The following ANKRD55 variants were observed in gnomAD, a reference collection of about 807,000 sequenced individuals.
ANKRD55 encodes the protein ankyrin repeat domain-containing protein 55.
In ANKRD55, 41 loss-of-function variants were observed where a neutral mutation model predicts 60.6. The observed-to-expected ratio is 0.68, with a 90% confidence interval of 0.53 to 0.88. The LOEUF (loss-of-function observed/expected upper bound fraction) is 0.88, where lower values mean the gene tolerates loss of function less well. Ranked by LOEUF, ANKRD55 falls within the 40% of genes least tolerant of loss-of-function variation. The pLI is 0.00. For synonymous variants in ANKRD55, 264 were observed against 290.3 expected (o/e 0.91, Z 0.92); for missense variants, 732 against 767.6 (o/e 0.95, Z 0.55).
chr5:56,205,645 AATCT>A (rs1759486162), intron 2 of ANKRD55, among the ~76,000 whole-genome samples: 1 of 152,050 alleles, frequency 6.6e-6, no homozygotes, highest in Non-Finnish European at 1.5e-5. Flanking sequence ...CCAAACAGTG[AATCT>A]TGGGCTGGGG....
intron 2 of ANKRD55, among the ~76,000 whole-genome samples, chr5:56,203,638 A>C (rs951967412): frequency 3.9e-5 from 6 of 152,116 alleles, no homozygotes; most frequent in Non-Finnish European, 8.8e-5. Context: ...TTCCAGCTTC[A>C]TCCATGTCCC....
chr5:56,112,011 CG>C (rs1206281510), intron 9 of ANKRD55, among the ~76,000 whole-genome samples: 1 of 152,146 alleles, frequency 6.6e-6, no homozygotes, highest in South Asian at 2.1e-4. Context: ...CCAAGGAGGA[CG>C]TTTCTTAGAT....
At chr5:56,131,526 T>A (rs1315505783) in intron 7 of ANKRD55, among the ~76,000 whole-genome samples, 1 of 152,102 alleles carries the variant, frequency 6.6e-6, no homozygotes, top group East Asian at 1.9e-4. Context: ...ACGGGTGCGG[T>A]GGCTCATGCC....
At chr5:56,166,295 T>C (rs1758483110) in intron 5 of ANKRD55, among the ~76,000 whole-genome samples, 1 of 150,674 alleles carries the variant, frequency 6.6e-6, no homozygotes, top group Non-Finnish European at 1.5e-5. Context: ...TCTTGTGCTG[T>C]CGCCCAGGTT....
Position 56,111,598 on chromosome 5 carries a change from T to A in ANKRD55, c.1150A>T (p.Thr384Ser). 1 of 1,596,794 alleles carries A rather than the reference T, an allele frequency of 6.3e-7. No homozygotes were observed. Among genetic ancestry groups the A allele is most frequent in the Non-Finnish European group, 8.5e-7 (1 of 1,172,918 alleles). ...DTSEVNDIIT[T>S]FDSIVGTNCQ... is the part of the protein sequence containing the mutation. Reference sequence around the variant, plus strand: ...TTGGTACCCACGATGCTATCAAAGGTGGTGATGATGTCATTGACTTCTGAG... The same window carrying A: ...TTGGTACCCACGATGCTATCAAAGGAGGTGATGATGTCATTGACTTCTGAG... Residue 384 changes from threonine (T) to serine (S), a missense_variant, in exon 10 of 12, where the codon ACC becomes TCC. By Grantham distance (58) the Thr-to-Ser change is moderately conservative (BLOSUM62 1). Coordinates refer to ENST00000341048, the MANE Select transcript of ANKRD55 (RefSeq NM_024669.3).
At chr5:56,110,288 A>G (rs1393626321) in intron 10 of ANKRD55, among the ~76,000 whole-genome samples, 3 of 150,426 alleles carry the variant, frequency 2.0e-5, no homozygotes, top group South Asian at 2.1e-4. Context: ...AGTCCCAGCT[A>G]CTCAGGATGC....
rs78441401 is a variant in ANKRD55, at chr5:56,148,454, T to C, written c.484-4525A>G. On this transcript the variant is annotated intron_variant, in intron 6 of 11. Transcript: ENST00000341048. The stretch of plus-strand genomic sequence containing the variant: ...AAAAATATAAGCTCTCCAGAATGTT[T>C]TGAGGGGAAATGTTAAGTTTTGGTT... Among the ~76,000 whole-genome samples the C allele has an allele frequency of 6.4e-3, 982 of 152,274 alleles. 15 individuals are homozygous for C. The highest frequency in any genetic ancestry group is 0.022 in the African/African-American group (904 of 41,550).
chr5:56,115,998 G>T (rs575350039), intron 9 of ANKRD55, among the ~76,000 whole-genome samples: 9 of 151,812 alleles, frequency 5.9e-5, no homozygotes, highest in Non-Finnish European at 1.5e-5. Context: ...GAGATTACAG[G>T]CACCCACCAC....
At chr5:56,195,477 T>C (rs1260523470) in intron 2 of ANKRD55, among the ~76,000 whole-genome samples, 1 of 152,212 alleles carries the variant, frequency 6.6e-6, no homozygotes, top group Non-Finnish European at 1.5e-5. Flanking sequence ...AGAGTCTCAC[T>C]CTGTCCCCCA....
At chr5:56,106,863 A>T (rs1321074553) in intron 10 of ANKRD55, among the ~76,000 whole-genome samples, 7 of 152,048 alleles carry the variant, frequency 4.6e-5, no homozygotes, top group Non-Finnish European at 1.0e-4. Flanking sequence ...ATGACAAAAA[A>T]ATTAGCCAGA....
chr5:56,164,911 C>G (rs1345233272), intron 5 of ANKRD55, among the ~76,000 whole-genome samples: 1 of 152,188 alleles, frequency 6.6e-6, no homozygotes, highest in East Asian at 1.9e-4. Context: ...GCCTCCATCC[C>G]CATTGAGCGG....
intron 5 of ANKRD55, among the ~76,000 whole-genome samples, chr5:56,167,650 C>A (rs1040795377): frequency 6.6e-6 from 1 of 152,158 alleles, no homozygotes; most frequent in African/African-American, 2.4e-5. Context: ...GCTTTTTGGA[C>A]AATATAACTA....
At chr5:56,157,181 A>AT (rs1287413190) in intron 6 of ANKRD55, among the ~76,000 whole-genome samples, 2 of 152,166 alleles carry the variant, frequency 1.3e-5, no homozygotes, top group Non-Finnish European at 2.9e-5. Flanking sequence ...GGTTTAATGG[A>AT]TTTAGGGCTA....
intron 7 of ANKRD55, among the ~76,000 whole-genome samples, chr5:56,131,979 C>T (rs1196924598): frequency 6.6e-6 from 1 of 151,568 alleles, no homozygotes; most frequent in African/African-American, 2.4e-5. Flanking sequence ...GTTCAAATTA[C>T]TAACAGCTAC....
intron 6 of ANKRD55, among the ~76,000 whole-genome samples, chr5:56,151,462 T>A (rs1758041645): frequency 6.6e-6 from 1 of 152,114 alleles, no homozygotes; most frequent in Non-Finnish European, 1.5e-5. Context: ...TAAAATAACA[T>A]GACTTTTTCT....
Position 56,135,351 on chromosome 5 carries a change from CT to C in ANKRD55, c.613-8246del, listed in dbSNP as rs757577502. ...TCTTTCTTTCTTTCTTTCTTTCTTT[CT>C]TTCTTTCTTTCTTTCCTTCTTTCTT... On this transcript the variant is annotated intron_variant, in intron 7 of 11. Transcript: ENST00000341048. 1.2e-3 allele frequency among the ~76,000 whole-genome samples: 40 copies of C among 32,164 alleles called. 1 individual carries two copies. The highest frequency in any genetic ancestry group is 4.0e-3 in the African/African-American group (28 of 7,074). The allele number at this position is 32,164 out of a possible 152,430, so 21.1% of individuals were successfully genotyped here.
intron 6 of ANKRD55, among the ~76,000 whole-genome samples, chr5:56,154,563 A>T (rs1333242210): frequency 6.6e-6 from 1 of 150,652 alleles, no homozygotes; most frequent in Admixed American, 6.7e-5. Context: ...ACGGAATTAC[A>T]GCAGAAGATT....
At chr5:56,229,624 T>C (rs548975004) in intron 2 of ANKRD55, among the ~76,000 whole-genome samples, 7 of 152,302 alleles carry the variant, frequency 4.6e-5, no homozygotes, top group Non-Finnish European at 1.0e-4. Flanking sequence ...ACCAAGACCC[T>C]GGCATGCCTC....
At chr5:56,163,995 G>C (rs1758390993) in intron 5 of ANKRD55, among the ~76,000 whole-genome samples, 1 of 152,170 alleles carries the variant, frequency 6.6e-6, no homozygotes, top group African/African-American at 2.4e-5. Context: ...GGGAGGCTGA[G>C]GTCGGAGAAT....
Sources: gnomAD v4.1 joint callset for allele counts (sites outside exome capture counted in the v4.1 genomes callset) on GRCh38, gnomAD v4.1.1 for gene constraint, MANE v1.5 for transcripts, NCBI Gene and HGNC (gene_info 2026-07-23, HGNC 2026-07-21) for gene names.